The following HSD17B12 variants were observed in gnomAD, a reference collection of about 807,000 sequenced individuals.
HSD17B12 encodes the protein hydroxysteroid 17-beta dehydrogenase 12.
In HSD17B12, 32 loss-of-function variants were observed where a neutral mutation model predicts 39.3. That is an observed-to-expected ratio of 0.81 (90% confidence interval 0.61 to 1.09). The LOEUF is 1.09. Among genes scored for constraint, HSD17B12 ranks in the 50% least tolerant of loss-of-function variants. HSD17B12 has a pLI of 0.00. For synonymous variants in HSD17B12, 150 were observed against 146.7 expected (o/e 1.02, Z -0.16); for missense variants, 342 against 382.9 (o/e 0.89, Z 0.89).
intron 3 of HSD17B12, among the ~76,000 whole-genome samples, chr11:43,784,341 T>C (rs1393273402): frequency 6.9e-6 from 1 of 144,710 alleles, no homozygotes; most frequent in Non-Finnish European, 1.5e-5. Flanking sequence ...TTATTATTAT[T>C]ATTATTTTAA....
At chr11:43,755,907 T>C (rs1311526716) in intron 3 of HSD17B12, among the ~76,000 whole-genome samples, 1 of 152,172 alleles carries the variant, frequency 6.6e-6, no homozygotes. Context: ...TAGATACACA[T>C]GGCTGAGGAG....
chr11:43,753,344 C>A (rs553027795), intron 2 of HSD17B12, among the ~76,000 whole-genome samples: 28 of 150,284 alleles, frequency 1.9e-4, no homozygotes, highest in Non-Finnish European at 4.0e-4. Flanking sequence ...CTTTGCCAGT[C>A]CTCTGATGTT....
chr11:43,664,372 A>C, the HSD17B12 span, among the ~76,000 whole-genome samples: 1 of 152,196 alleles, frequency 6.6e-6, no homozygotes, highest in Non-Finnish European at 1.5e-5. Context: ...GTACTGGCTC[A>C]TGGGCATGAC....
At chr11:43,616,530 CAGGCATTGTTCTA>C in the HSD17B12 span, among the ~76,000 whole-genome samples, 1 of 151,542 alleles carries the variant, frequency 6.6e-6, no homozygotes, top group Non-Finnish European at 1.5e-5. Flanking sequence ...CATCATATGC[CAGGCATTGTTCTA>C]AGTGCTTCAC....
At chr11:43,848,841 T>C (rs1053940756) in intron 9 of HSD17B12, among the ~76,000 whole-genome samples, 2 of 152,174 alleles carry the variant, frequency 1.3e-5, no homozygotes, top group Non-Finnish European at 2.9e-5. Flanking sequence ...CCTTGCAGCA[T>C]ACCCACTATT....
At chr11:43,740,925 T>C (rs1179494701) in intron 1 of HSD17B12, among the ~76,000 whole-genome samples, 1 of 152,234 alleles carries the variant, frequency 6.6e-6, no homozygotes, top group East Asian at 1.9e-4. Context: ...CAGATGTGCA[T>C]TTAACACATG....
chr11:43,580,555 T>A, the HSD17B12 span, among the ~76,000 whole-genome samples: 1 of 152,108 alleles, frequency 6.6e-6, no homozygotes, highest in South Asian at 2.1e-4. Flanking sequence ...AGAAATAGGA[T>A]GACTAGTGTG....
chr11:43,797,916 G>A (rs948005566), intron 3 of HSD17B12, among the ~76,000 whole-genome samples: 8 of 152,110 alleles, frequency 5.3e-5, no homozygotes, highest in Non-Finnish European at 8.8e-5. Flanking sequence ...TTTACAACAT[G>A]AAGACTTCTT....
At chr11:43,734,041 TC>T in intron 1 of HSD17B12, 1 of 780,648 alleles carries the variant, frequency 1.3e-6, no homozygotes, top group South Asian at 1.4e-5. Flanking sequence ...CGGATCCTCT[TC>T]CGGCCTATCG....
intron 1 of HSD17B12, among the ~76,000 whole-genome samples, chr11:43,731,059 C>T (rs556202901): frequency 5.3e-5 from 8 of 151,928 alleles, no homozygotes; most frequent in East Asian, 1.9e-4. Flanking sequence ...TACAGTGGCA[C>T]GATCTTGGTT....
At chr11:43,846,236 T>A (rs1478880373) in intron 9 of HSD17B12, among the ~76,000 whole-genome samples, 1 of 152,244 alleles carries the variant, frequency 6.6e-6, no homozygotes, top group East Asian at 1.9e-4. Context: ...AAATGATATA[T>A]AAGGGTGAAG....
chr11:43,720,931 G>C (rs1950170523), intron 1 of HSD17B12, among the ~76,000 whole-genome samples: 2 of 152,082 alleles, frequency 1.3e-5, no homozygotes, highest in Admixed American at 1.3e-4. Flanking sequence ...TTGAAAAATA[G>C]TAAGCTGTTT....
At chr11:43,667,008 T>C in the HSD17B12 span, among the ~76,000 whole-genome samples, 1 of 152,358 alleles carries the variant, frequency 6.6e-6, no homozygotes, top group African/African-American at 2.4e-5. Context: ...TGATTTGGGA[T>C]AGGTGAGGCA....
intron 1 of HSD17B12, among the ~76,000 whole-genome samples, chr11:43,717,320 C>G (rs1489441922): frequency 6.6e-6 from 1 of 152,118 alleles, no homozygotes; most frequent in Non-Finnish European, 1.5e-5. Flanking sequence ...AGGAATGAAT[C>G]CTAGGCTATT....
chr11:43,701,386 G>A (rs1011902970), intron 1 of HSD17B12, among the ~76,000 whole-genome samples: 2 of 152,122 alleles, frequency 1.3e-5, no homozygotes, highest in African/African-American at 4.8e-5. Flanking sequence ...TGCTTGTAGG[G>A]TATTGCTCAA....
At chr11:43,713,566 G>A (rs1326914555) in intron 1 of HSD17B12, among the ~76,000 whole-genome samples, 2 of 152,032 alleles carry the variant, frequency 1.3e-5, no homozygotes, top group South Asian at 2.1e-4. Context: ...CTTTGCTATT[G>A]TGAATAGTGC....
the HSD17B12 span, among the ~76,000 whole-genome samples, chr11:43,674,598 A>G: frequency 6.6e-6 from 1 of 152,274 alleles, no homozygotes; most frequent in East Asian, 1.9e-4. Flanking sequence ...TTTTCATTAA[A>G]ATAACTAAAT....
intron 1 of HSD17B12, among the ~76,000 whole-genome samples, chr11:43,742,136 TATA>T (rs1472777286): frequency 0.016 from 1,182 of 74,018 alleles, 22 homozygotes; most frequent in African/African-American, 0.049. Context: ...TATATATATA[TATA>T]TTTTTTTTTT....
chr11:43,617,709 C>T, the HSD17B12 span, among the ~76,000 whole-genome samples: 1 of 152,066 alleles, frequency 6.6e-6, no homozygotes, highest in Non-Finnish European at 1.5e-5. Context: ...AGGAATACAG[C>T]CGTGAACAGG....
Sources: gnomAD v4.1 joint callset for allele counts (sites outside exome capture counted in the v4.1 genomes callset) on GRCh38, gnomAD v4.1.1 for gene constraint, MANE v1.5 for transcripts, NCBI Gene and HGNC (gene_info 2026-07-23, HGNC 2026-07-21) for gene names.